FERMT2: variants seen among roughly 807,000 people sequenced by gnomAD.
The protein encoded by FERMT2 is FERM domain containing kindlin 2, also known as fermitin family homolog 2.
In FERMT2, 15 loss-of-function variants were observed where a neutral mutation model predicts 82.7. The observed-to-expected ratio is 0.18, with a 90% CI of 0.12 to 0.28. FERMT2 has a LOEUF of 0.28. Among genes scored for constraint, FERMT2 ranks in the 10% least tolerant of loss-of-function variants. The pLI, the probability that FERMT2 is intolerant of heterozygous loss-of-function variation, is 1.00. For missense variants in FERMT2, 645 were observed against 809.4 expected, an observed-to-expected ratio of 0.80 and a Z score of 2.46; for synonymous variants, 274 against 271.5, an observed-to-expected ratio of 1.01 and a Z score of -0.09.
At chr14:52,933,479 T>TG (rs574494243) in intron 2 of FERMT2, among the ~76,000 whole-genome samples, 4 of 150,876 alleles carry the variant, frequency 2.7e-5, no homozygotes, top group African/African-American at 4.9e-5. Flanking sequence ...GAGGCTGAGG[T>TG]GGGGGGGAAT....
intron 14 of FERMT2, chr14:52,858,846 A>AT (rs1205935491): frequency 4.0e-6 from 1 of 248,262 alleles, no homozygotes; most frequent in Non-Finnish European, 7.7e-6. Flanking sequence ...ATTAATGAGA[A>AT]TGCCTCTCTT....
intron 4 of FERMT2, among the ~76,000 whole-genome samples, chr14:52,890,508 T>C (rs911361491): frequency 1.3e-5 from 2 of 151,630 alleles, no homozygotes; most frequent in African/African-American, 4.8e-5. Flanking sequence ...ACTACAGTCA[T>C]ATATGTGATC....
intron 3 of FERMT2, among the ~76,000 whole-genome samples, chr14:52,917,886 C>T (rs1011471455): frequency 2.0e-5 from 3 of 152,204 alleles, no homozygotes; most frequent in African/African-American, 4.8e-5. Context: ...GTCTCAGCAC[C>T]TCCATACTGT....
intron 3 of FERMT2, among the ~76,000 whole-genome samples, chr14:52,910,439 C>A (rs111541039): frequency 0.062 from 9,351 of 152,024 alleles, 851 homozygotes; most frequent in African/African-American, 0.2. Flanking sequence ...AAAAAGTTTC[C>A]TTTCCTCTTA....
intron 2 of FERMT2, among the ~76,000 whole-genome samples, chr14:52,942,987 C>T (rs1017884954): frequency 6.6e-6 from 1 of 151,858 alleles, no homozygotes; most frequent in Non-Finnish European, 1.5e-5. Context: ...CCGAGGTGGG[C>T]GGATCGCCTA....
In FERMT2 at chr14:52,867,471, A is replaced by AT. The variant is rs111494285; in HGVS notation, c.1274-2619dup. ...CTTCACTGCCATAGTCTTCCTATGC[A>AT]TTTTTTTTTTGTTTCCTTTGCAAGG... On this transcript the variant is annotated intron_variant, in intron 10 of 14. Coordinates refer to ENST00000341590, the MANE Select transcript of FERMT2 (RefSeq NM_006832.3). 3.4e-4 allele frequency among the ~76,000 whole-genome samples: 51 copies of AT among 148,136 alleles called. No individual in the cohort carries two copies. In the East Asian group the frequency reaches 5.1e-3, roughly 15 times the overall value.
At chr14:52,888,478 T>G (rs1594951715) in intron 4 of FERMT2, among the ~76,000 whole-genome samples, 1 of 152,240 alleles carries the variant, frequency 6.6e-6, no homozygotes, top group Admixed American at 6.5e-5. Flanking sequence ...AAGCAAAATT[T>G]AGTAAGTTCT....
intron 2 of FERMT2, among the ~76,000 whole-genome samples, chr14:52,929,127 T>C (rs913175756): frequency 1.3e-5 from 2 of 152,132 alleles, no homozygotes; most frequent in Admixed American, 1.3e-4. Flanking sequence ...TAACCCAATT[T>C]TTTTTCTTAT....
At chr14:52,911,385 C>A (rs1018737678) in intron 3 of FERMT2, among the ~76,000 whole-genome samples, 3 of 152,032 alleles carry the variant, frequency 2.0e-5, no homozygotes, top group African/African-American at 7.2e-5. Flanking sequence ...GGCACAGTGG[C>A]TCACACCTGT....
intron 10 of FERMT2, among the ~76,000 whole-genome samples, chr14:52,867,269 CTG>C (rs1351436799): frequency 6.6e-6 from 1 of 152,006 alleles, no homozygotes; most frequent in African/African-American, 2.4e-5. Context: ...TTCTCAGTGA[CTG>C]TACTTTGGCT....
At chr14:52,890,760 C>T (rs959924663) in intron 4 of FERMT2, among the ~76,000 whole-genome samples, 5 of 151,854 alleles carry the variant, frequency 3.3e-5, no homozygotes, top group Admixed American at 1.3e-4. Context: ...CCCACCACCA[C>T]GCCTGGCTAA....
chr14:52,875,348 T>A lies in FERMT2; in HGVS notation c.973A>T (p.Asn325Tyr), dbSNP rs1885888913. Residue 325 changes from asparagine to tyrosine, a missense_variant, in exon 8 of 15, where the codon AAT (asparagine) becomes TAT (tyrosine). Asn to Tyr is a moderately radical substitution (Grantham distance 143). Coordinates refer to ENST00000341590, the MANE Select transcript of FERMT2 (RefSeq NM_006832.3). Reference protein sequence around the residue: ...MMFAALQYHINKLSIMTSENH... With the variant: ...MMFAALQYHIYKLSIMTSENH... ...TCTGATGTCATGATTGACAGCTTATTGATATGATACTGAAACCAGAATTAT... is the reference window on the plus strand; with the variant it reads ...TCTGATGTCATGATTGACAGCTTATAGATATGATACTGAAACCAGAATTAT... 6.3e-7 allele frequency: 1 copy of A among 1,598,448 alleles called. No individual in the cohort carries two copies. Among genetic ancestry groups the A allele is most frequent in the Non-Finnish European group, 8.5e-7 (1 of 1,169,646 alleles).
At chr14:52,940,076 T>A (rs1464618685) in intron 2 of FERMT2, among the ~76,000 whole-genome samples, 1 of 152,164 alleles carries the variant, frequency 6.6e-6, no homozygotes, top group African/African-American at 2.4e-5. Context: ...GATGTAAAAA[T>A]AAGACAGTTA....
At chr14:52,918,068 T>C (rs1478147988) in intron 3 of FERMT2, among the ~76,000 whole-genome samples, 1 of 152,230 alleles carries the variant, frequency 6.6e-6, no homozygotes, top group Non-Finnish European at 1.5e-5. Flanking sequence ...TGTTGCAGCA[T>C]TTGCTCTAAG....
chr14:52,866,292 A>T (rs1885274822), intron 10 of FERMT2, among the ~76,000 whole-genome samples: 1 of 152,164 alleles, frequency 6.6e-6, no homozygotes, highest in Non-Finnish European at 1.5e-5. Flanking sequence ...CAATTAGTGT[A>T]CATCTGAAAG....
intron 4 of FERMT2, among the ~76,000 whole-genome samples, chr14:52,886,871 T>G (rs1886643153): frequency 6.6e-6 from 1 of 152,214 alleles, no homozygotes; most frequent in Non-Finnish European, 1.5e-5. Context: ...ACCTTAATTT[T>G]AATACATTTT....
At chr14:52,914,477 A>C (rs1424098567) in intron 3 of FERMT2, among the ~76,000 whole-genome samples, 1 of 152,240 alleles carries the variant, frequency 6.6e-6, no homozygotes, top group African/African-American at 2.4e-5. Context: ...GTCAGGAACA[A>C]CACAACAACA....
chr14:52,913,394 G>A (rs1888435404), intron 3 of FERMT2, among the ~76,000 whole-genome samples: 1 of 152,148 alleles, frequency 6.6e-6, no homozygotes, highest in South Asian at 2.1e-4. Context: ...TCTGTCCTTA[G>A]AAGCTAGATG....
chr14:52,878,165 G>A (rs1886083622), intron 7 of FERMT2, among the ~76,000 whole-genome samples: 1 of 152,148 alleles, frequency 6.6e-6, no homozygotes, highest in African/African-American at 2.4e-5. Context: ...CTTTGCTACA[G>A]CCCATTTTAT....
Sources: allele counts gnomAD v4.1 joint callset (sites outside exome capture counted in the v4.1 genomes callset), GRCh38; gene constraint gnomAD v4.1.1; transcripts MANE v1.5; gene names NCBI Gene and HGNC (gene_info 2026-07-23, HGNC 2026-07-21).